The following RBMS3 variants were observed in gnomAD, a reference collection of about 807,000 sequenced individuals.
RBMS3 encodes RNA binding motif single stranded interacting protein 3, also known as RNA-binding motif, single-stranded-interacting protein 3.
A neutral mutation model predicts 66.8 loss-of-function variants in RBMS3; 27 were observed. The observed-to-expected ratio is 0.40, with a 90% CI of 0.30 to 0.56. RBMS3 has a LOEUF of 0.56. RBMS3 is among the 20% of genes least tolerant of loss of function. RBMS3 has a pLI of 0.40. For missense variants in RBMS3, 513 were observed against 549.5 expected (o/e 0.93, Z 0.66); for synonymous variants, 188 against 183.0 (o/e 1.03, Z -0.22).
chr3:29,881,496 G>A (rs1174609195), intron 7 of RBMS3, among the ~76,000 whole-genome samples: 1 of 152,128 alleles, frequency 6.6e-6, no homozygotes, highest in African/African-American at 2.4e-5. Flanking sequence ...TTTGCCCAAA[G>A]TCACACTGCT....
chr3:29,886,363 C>A (rs1469041066), intron 8 of RBMS3, among the ~76,000 whole-genome samples: 1 of 151,726 alleles, frequency 6.6e-6, no homozygotes, highest in Non-Finnish European at 1.5e-5. Context: ...GCCATGTAGT[C>A]CGAGGTAGAG....
chr3:29,910,816 C>T lies in RBMS3; in HGVS notation c.939+11061C>T, dbSNP rs373725635. Among the ~76,000 whole-genome samples the T allele has an allele frequency of 2.8e-4, 42 of 151,638 alleles. 1 individual carries two copies. The highest frequency in any genetic ancestry group is 1.7e-3 in the South Asian group (8 of 4,784). On this transcript the variant is annotated intron_variant, in intron 10 of 14. Coordinates refer to ENST00000383767, the MANE Select transcript of RBMS3 (RefSeq NM_001003793.3). ...TGTGTGTGTTTGTGTATGGCGTGTA[C>T]GGATTAATCAGGTTTGCTTAAAGAA...
intron 10 of RBMS3, among the ~76,000 whole-genome samples, chr3:29,928,853 C>T (rs2061027798): frequency 1.3e-5 from 2 of 151,448 alleles, no homozygotes; most frequent in African/African-American, 4.9e-5. Context: ...CTCTCTTCTC[C>T]CATAACATAT....
At chr3:29,955,899 C>T (rs145982026) in intron 12 of RBMS3, among the ~76,000 whole-genome samples, 1 of 152,154 alleles carries the variant, frequency 6.6e-6, no homozygotes, top group East Asian at 1.9e-4. Context: ...TACTCTCTTT[C>T]CCTTCACCTG....
At chr3:29,933,250 CA>C (rs944429560) in intron 10 of RBMS3, among the ~76,000 whole-genome samples, 4 of 152,122 alleles carry the variant, frequency 2.6e-5, no homozygotes, top group Non-Finnish European at 4.4e-5. Flanking sequence ...TTTAATAAGT[CA>C]AAGTTACGGT....
intron 6 of RBMS3, among the ~76,000 whole-genome samples, chr3:29,862,555 T>C (rs920235122): frequency 3.9e-5 from 6 of 151,938 alleles, no homozygotes; most frequent in African/African-American, 1.2e-4. Flanking sequence ...CTAGATAATA[T>C]CACTCTGAGC....
At chr3:29,810,077 T>A (rs2057686314) in intron 6 of RBMS3, among the ~76,000 whole-genome samples, 1 of 152,118 alleles carries the variant, frequency 6.6e-6, no homozygotes, top group Non-Finnish European at 1.5e-5. Flanking sequence ...GTTAGAAATC[T>A]AAAGAAATAG....
intron 3 of RBMS3, among the ~76,000 whole-genome samples, chr3:29,493,639 GA>G (rs3836336): frequency 2.0e-5 from 3 of 151,646 alleles, no homozygotes; most frequent in Non-Finnish European, 2.9e-5. Context: ...TTTTGGGCAA[GA>G]AAAAAATACA....
chr3:29,493,460 G>GATGT (rs1301206926), intron 3 of RBMS3, among the ~76,000 whole-genome samples: 1 of 152,138 alleles, frequency 6.6e-6, no homozygotes, highest in African/African-American at 2.4e-5. Flanking sequence ...GTGTTGTGAT[G>GATGT]ATTAACAAAG....
intron 3 of RBMS3, among the ~76,000 whole-genome samples, chr3:29,498,058 G>A (rs752430757): frequency 7.8e-6 from 1 of 127,548 alleles, no homozygotes; most frequent in Admixed American, 1.0e-4. Context: ...GCAGTGGTGC[G>A]ATCTCAGTTC....
At chr3:29,725,850 C>T (rs1365812783) in intron 4 of RBMS3, among the ~76,000 whole-genome samples, 1 of 152,164 alleles carries the variant, frequency 6.6e-6, no homozygotes, top group African/African-American at 2.4e-5. Flanking sequence ...TCCTCCCTAA[C>T]TCACCCTATG....
At chr3:29,563,861 C>T (rs533558583) in intron 3 of RBMS3, among the ~76,000 whole-genome samples, 82 of 151,686 alleles carry the variant, frequency 5.4e-4, no homozygotes, top group African/African-American at 1.9e-3. Flanking sequence ...TCTGTCTCTA[C>T]AAAAAATTAG....
intron 3 of RBMS3, among the ~76,000 whole-genome samples, chr3:29,552,852 T>A (rs1237502639): frequency 1.3e-5 from 2 of 152,142 alleles, no homozygotes; most frequent in African/African-American, 4.8e-5. Flanking sequence ...CTAGGTAGTA[T>A]CTGGGTAGTA....
chr3:29,877,991 TAG>T, intron 7 of RBMS3, among the ~76,000 whole-genome samples: 1 of 152,242 alleles, frequency 6.6e-6, no homozygotes, highest in East Asian at 1.9e-4. Flanking sequence ...ACTGGTTTTG[TAG>T]AAGATAAGTT....
At chr3:29,725,234 C>T (rs1001694481) in intron 4 of RBMS3, among the ~76,000 whole-genome samples, 1 of 152,136 alleles carries the variant, frequency 6.6e-6, no homozygotes, top group African/African-American at 2.4e-5. Context: ...AGCCTAGGCA[C>T]TCTAAGTAAA....
rs146256064 is a variant in RBMS3 at position 29,676,884 on chromosome 3, C to T, written c.400-62836C>T. Among the ~76,000 whole-genome samples, 431 of 152,184 alleles carry T rather than the reference C, an allele frequency of 2.8e-3. 2 individuals are homozygous for T. The highest frequency in any genetic ancestry group is 9.7e-3 in the African/African-American group (401 of 41,548). On this transcript the variant is annotated intron_variant, in intron 4 of 14. Transcript: ENST00000383767. ...TGCTTGCTGTATTAGTCCATTCTTGCATTGCTATGAAGAAATACTTGACAC... is the reference window on the plus strand; with the variant it reads ...TGCTTGCTGTATTAGTCCATTCTTGTATTGCTATGAAGAAATACTTGACAC...
chr3:29,897,268 GA>G, intron 8 of RBMS3, 110 bp from the exon 9 acceptor site: 2 of 930,058 alleles, frequency 2.2e-6, no homozygotes, highest in Non-Finnish European at 1.7e-6. Context: ...ATGGTTGGTG[GA>G]AAAACGTGCG....
At chr3:29,645,971 C>T (rs1030326120) in intron 4 of RBMS3, among the ~76,000 whole-genome samples, 1 of 152,220 alleles carries the variant, frequency 6.6e-6, no homozygotes, top group Admixed American at 6.5e-5. Flanking sequence ...CCTACATTAC[C>T]TCTAATCTGC....
intron 1 of RBMS3, among the ~76,000 whole-genome samples, chr3:29,415,388 C>T (rs185077418): frequency 6.6e-6 from 1 of 152,220 alleles, no homozygotes; most frequent in African/African-American, 2.4e-5. Flanking sequence ...AATTTATGAA[C>T]ATTTGAAAAT....
Sources: allele counts gnomAD v4.1 joint callset (sites outside exome capture counted in the v4.1 genomes callset), GRCh38; gene constraint gnomAD v4.1.1; transcripts MANE v1.5; gene names NCBI Gene and HGNC (gene_info 2026-07-23, HGNC 2026-07-21).